SUN5: variants seen among roughly 807,000 people sequenced by gnomAD.
SUN5 encodes the protein SUN domain-containing protein 5.
A neutral mutation model predicts 53.7 loss-of-function variants in SUN5; 44 were observed. The observed-to-expected ratio is 0.82, with a 90% CI of 0.64 to 1.05. The LOEUF (loss-of-function observed/expected upper bound fraction) is 1.05. SUN5 is among the 50% of genes least tolerant of loss of function. The probability of loss-of-function intolerance (pLI) is 0.00; values close to 1 mark genes in which losing one functional copy is unlikely to be tolerated. For missense variants in SUN5, 433 were observed against 483.8 expected, an observed-to-expected ratio of 0.90 and a Z score of 0.98; for synonymous variants, 166 against 179.8, an observed-to-expected ratio of 0.92 and a Z score of 0.62.
In SUN5 at chr20:32,991,565, G is replaced by A. The variant is rs755050722; in HGVS notation, c.535-1867C>T. Among the ~76,000 whole-genome samples the A allele has an allele frequency of 1.5e-4, 23 of 152,086 alleles. 1 individual carries two copies. Among genetic ancestry groups the A allele is most frequent in the Admixed American group, 9.2e-4 (14 of 15,268 alleles). On this transcript the variant is annotated intron_variant, in intron 8 of 12. Coordinates refer to ENST00000356173, the MANE Select transcript of SUN5 (RefSeq NM_080675.4). ...CCTTACTGCCTTTGTAAGTCATAGCGGGGCTTCCCTCCCCACTGCAGAGGA... is the reference window on the plus strand; with the variant it reads ...CCTTACTGCCTTTGTAAGTCATAGCAGGGCTTCCCTCCCCACTGCAGAGGA...
intron 9 of SUN5, among the ~76,000 whole-genome samples, chr20:32,988,313 G>A (rs1190765999): frequency 6.6e-6 from 1 of 152,172 alleles, no homozygotes; most frequent in Non-Finnish European, 1.5e-5. Flanking sequence ...CTGACCCCGC[G>A]TCTCACTGAT....
chr20:33,002,485 T>A (rs1990075638), intron 3 of SUN5, 102 bp downstream of exon 3: 1 of 1,118,746 alleles, frequency 8.9e-7, no homozygotes, highest in Non-Finnish European at 1.4e-6. Flanking sequence ...ACCCCTGCAG[T>A]CCAGGGCAGG....
At chr20:32,999,957 C>G in intron 5 of SUN5, 117 bp downstream of exon 5, 1 of 1,555,436 alleles carries the variant, frequency 6.4e-7, no homozygotes, top group Admixed American at 2.0e-5. Context: ...CAACACCCAT[C>G]AGGCAGATGG....
At chr20:33,000,716 G>T (rs1989978490) in intron 4 of SUN5, among the ~76,000 whole-genome samples, 1 of 152,050 alleles carries the variant, frequency 6.6e-6, no homozygotes, top group African/African-American at 2.4e-5. Flanking sequence ...GTGGTGGTGT[G>T]TGCCTGTAGT....
intron 10 of SUN5, among the ~76,000 whole-genome samples, chr20:32,986,406 G>A (rs377197670): frequency 2.2e-3 from 332 of 151,286 alleles, no homozygotes; most frequent in African/African-American, 7.9e-3. Context: ...CCCCACAGAC[G>A]GGGAAACAGG....
chr20:32,995,340 T>G (rs1476715268), intron 8 of SUN5, among the ~76,000 whole-genome samples: 4 of 152,180 alleles, frequency 2.6e-5, no homozygotes, highest in African/African-American at 7.2e-5. Flanking sequence ...TAAACTATAA[T>G]AGAGTGGTGG....
At chr20:32,987,984 A>C (rs914867173) in intron 9 of SUN5, among the ~76,000 whole-genome samples, 1 of 152,072 alleles carries the variant, frequency 6.6e-6, no homozygotes, top group East Asian at 1.9e-4. Context: ...TTTGAGATGG[A>C]GTCTTGCTCA....
chr20:32,989,714 A>T lies in SUN5; in HGVS notation c.535-16T>A, dbSNP rs1389362101. 5 of 1,611,396 alleles carry T rather than the reference A, an allele frequency of 3.1e-6. No individual in the cohort carries two copies. Among genetic ancestry groups the T allele is most frequent in the Non-Finnish European group, 4.2e-6 (5 of 1,177,650 alleles). On this transcript the variant is annotated splice_polypyrimidine_tract_variant and intron_variant, in intron 8 of 12. Coordinates refer to ENST00000356173, the MANE Select transcript of SUN5 (RefSeq NM_080675.4). ...CCATTTTTTGCTGAAAAGGCAGAAAACACAAGTTGTGCCCTGGTGTGTTGT... is the reference window on the plus strand; with the variant it reads ...CCATTTTTTGCTGAAAAGGCAGAAATCACAAGTTGTGCCCTGGTGTGTTGT...
In SUN5 at chr20:33,001,562, C is replaced by CT. The variant is rs60111348; in HGVS notation, c.212-285dup. 4.6e-3 allele frequency among the ~76,000 whole-genome samples: 452 copies of CT among 98,284 alleles called. 10 individuals carry two copies. The highest frequency in any genetic ancestry group is 0.019 in the African/African-American group (431 of 22,118). The allele number at this position is 98,284 out of a possible 152,430, so 64.5% of individuals were successfully genotyped here. ...TCTTTCTTTCTTTCTTTCTTTCTTTCTTTTCTTCCTTCCTTCCTTTCTTTC... is the reference window on the plus strand; with the variant it reads ...TCTTTCTTTCTTTCTTTCTTTCTTTCTTTTTCTTCCTTCCTTCCTTTCTTTC... On this transcript the variant is annotated intron_variant, in intron 3 of 12. Coordinates refer to ENST00000356173, the MANE Select transcript of SUN5 (RefSeq NM_080675.4).
chr20:32,986,288 A>G (rs571127691), intron 10 of SUN5, among the ~76,000 whole-genome samples: 1 of 152,292 alleles, frequency 6.6e-6, no homozygotes, highest in African/African-American at 2.4e-5. Context: ...AGGTGAGGAA[A>G]CTGAGTTGGG....
chr20:32,989,576 A>G, intron 9 of SUN5, 44 bp downstream of exon 9: 1 of 1,567,580 alleles, frequency 6.4e-7, no homozygotes, highest in Non-Finnish European at 8.8e-7. Flanking sequence ...ACAGCTTCCC[A>G]GGACACTTGA....
intron 4 of SUN5, 67 bp from the exon 5 acceptor site, chr20:33,000,202 T>G: frequency 6.6e-7 from 1 of 1,515,910 alleles, no homozygotes; most frequent in Non-Finnish European, 8.9e-7. Flanking sequence ...ACCCTCCTCC[T>G]CGTCACTCTC....
Position 32,985,622 on chromosome 20 carries a change from C to G in SUN5, c.897+114G>C. On this transcript the variant is annotated intron_variant, in intron 11 of 12. Transcript: ENST00000356173. ...CTTCCAGCCTTAACCAAGCTGCATT[C>G]AGCCCCTCCAGCCTGCAAGTGTTGT... is the stretch of plus-strand genomic sequence containing the variant. 3 of 1,341,600 alleles carry G rather than the reference C, an allele frequency of 2.2e-6. No homozygotes were observed. In the South Asian group the frequency reaches 4.4e-5, roughly 20 times the overall value. 83.1% of individuals were successfully genotyped at this position (1,341,600 alleles called of 1,614,324 possible).
intron 10 of SUN5, 46 bp downstream of exon 10, chr20:32,987,614 C>CGGACCACTCCCCT: frequency 6.6e-7 from 1 of 1,515,682 alleles, no homozygotes; most frequent in South Asian, 1.2e-5. Context: ...AAACCCTGCC[C>CGGACCACTCCCCT]GGACCACTCC....
intron 10 of SUN5, among the ~76,000 whole-genome samples, chr20:32,986,985 A>G (rs1989562574): frequency 6.6e-6 from 1 of 152,172 alleles, no homozygotes; most frequent in Non-Finnish European, 1.5e-5. Flanking sequence ...GAGTGCCAAG[A>G]TCTTGGAGCT....
Position 32,983,909 on chromosome 20 carries a change from A to G in SUN5, c.1025T>C (p.Ile342Thr), listed in dbSNP as rs1186076740. The G allele has an allele frequency of 6.3e-7, 1 of 1,597,230 alleles. No homozygotes were observed. The highest frequency in any genetic ancestry group is 1.1e-5 in the South Asian group (1 of 86,980). ...ARAFSAVKVK[I>T]SSNWGNPGFT... is the part of the protein sequence containing the mutation. ...GCCTGGGTTCCCCCAGTTGCTTGAG[A>G]TCTTCACCTTGACCGCACTGAAAGC... The change falls in exon 13 of 13, where the codon ATC becomes ACC. Residue 342 changes from isoleucine (I) to threonine (T), a missense_variant. By Grantham distance (89) the Ile-to-Thr change is moderately conservative. Coordinates refer to ENST00000356173, the MANE Select transcript of SUN5 (RefSeq NM_080675.4).
At chr20:32,997,575 G>T (rs1989886035) in intron 6 of SUN5, 63 bp downstream of exon 6, 1 of 1,567,256 alleles carries the variant, frequency 6.4e-7, no homozygotes, top group Non-Finnish European at 8.8e-7. Context: ...AGCTGTGGAG[G>T]TGATATTGAC....
At chr20:32,984,830 C>T (rs565770355) in intron 12 of SUN5, among the ~76,000 whole-genome samples, 1 of 152,372 alleles carries the variant, frequency 6.6e-6, no homozygotes. Flanking sequence ...TCAGCGTCTG[C>T]TGTCCCCGGG....
intron 3 of SUN5, among the ~76,000 whole-genome samples, chr20:33,001,725 G>A (rs1990050555): frequency 1.6e-5 from 2 of 125,878 alleles, no homozygotes; most frequent in African/African-American, 6.1e-5. Flanking sequence ...CTGGAGTGCA[G>A]TGGCATGACC....
Sources: gnomAD v4.1 joint callset for allele counts (sites outside exome capture counted in the v4.1 genomes callset) on GRCh38, gnomAD v4.1.1 for gene constraint, MANE v1.5 for transcripts, NCBI Gene and HGNC (gene_info 2026-07-23, HGNC 2026-07-21) for gene names.